CNTN5: variants seen among roughly 807,000 people sequenced by gnomAD.
CNTN5 encodes the protein contactin 5, also known as contactin-5.
A neutral mutation model predicts 129.1 loss-of-function variants in CNTN5; 77 were observed. The observed-to-expected ratio is 0.60, with a 90% CI of 0.50 to 0.72. The LOEUF (loss-of-function observed/expected upper bound fraction) is 0.72, where lower values mean the gene tolerates loss of function less well. Ranked by LOEUF, CNTN5 falls within the 30% of genes least tolerant of loss-of-function variation. The pLI is 0.00. For synonymous variants in CNTN5, 509 were observed against 465.6 expected (o/e 1.09, Z -1.20); for missense variants, 1,478 against 1,328.8 (o/e 1.11, Z -1.75).
At chr11:99,567,079 TG>T (rs1949028674) in intron 3 of CNTN5, among the ~76,000 whole-genome samples, 1 of 152,166 alleles carries the variant, frequency 6.6e-6, no homozygotes, top group Non-Finnish European at 1.5e-5. Flanking sequence ...TCTTTGCACT[TG>T]GGTAAGTAAA....
chr11:99,981,978 T>C (rs977426348), intron 8 of CNTN5, among the ~76,000 whole-genome samples: 1 of 152,174 alleles, frequency 6.6e-6, no homozygotes, highest in Admixed American at 6.5e-5. Flanking sequence ...AAAGTGTAAA[T>C]AGTAAATGCC....
chr11:99,370,243 C>A (rs1031503254), intron 2 of CNTN5, among the ~76,000 whole-genome samples: 4 of 152,186 alleles, frequency 2.6e-5, no homozygotes, highest in Admixed American at 1.3e-4. Context: ...TTTTCCTGTA[C>A]ACAATAGGTT....
At chr11:99,507,244 G>A (rs1440978074) in intron 2 of CNTN5, among the ~76,000 whole-genome samples, 2 of 151,734 alleles carry the variant, frequency 1.3e-5, no homozygotes, top group Non-Finnish European at 2.9e-5. Flanking sequence ...AGGCATGGTG[G>A]TGCGCACCTG....
chr11:100,297,988 G>A (rs113632330), intron 19 of CNTN5, among the ~76,000 whole-genome samples: 2,030 of 151,516 alleles, frequency 0.013, 52 homozygotes, highest in African/African-American at 0.047. Flanking sequence ...CAAAATTTGT[G>A]TCATTTTATC....
At chr11:100,264,754 G>A (rs906691468) in intron 17 of CNTN5, among the ~76,000 whole-genome samples, 4 of 152,002 alleles carry the variant, frequency 2.6e-5, no homozygotes, top group Admixed American at 1.3e-4. Context: ...ACCCAGTAAT[G>A]CGATTGCTGG....
intron 1 of CNTN5, among the ~76,000 whole-genome samples, chr11:99,208,654 G>A (rs1006274027): frequency 1.3e-5 from 2 of 152,004 alleles, no homozygotes; most frequent in African/African-American, 2.4e-5. Context: ...GAATTATTTT[G>A]TTTATTCTAG....
intron 6 of CNTN5, among the ~76,000 whole-genome samples, chr11:99,882,962 A>ACATGATGTT (rs2135866326): frequency 1.3e-5 from 2 of 152,326 alleles, no homozygotes; most frequent in East Asian, 3.9e-4. Flanking sequence ...AAGTGAGAGC[A>ACATGATGTT]CATGATGTTT....
chr11:100,190,883 CA>C, intron 13 of CNTN5, among the ~76,000 whole-genome samples: 1 of 151,996 alleles, frequency 6.6e-6, no homozygotes, highest in East Asian at 1.9e-4. Flanking sequence ...AATTAACTGT[CA>C]AAAAATGTCA....
chr11:99,308,612 A>G (rs768545635), intron 1 of CNTN5, among the ~76,000 whole-genome samples: 1 of 152,222 alleles, frequency 6.6e-6, no homozygotes, highest in Non-Finnish European at 1.5e-5. Flanking sequence ...ACAAATTAAT[A>G]ATTCTCCCAA....
At chr11:99,580,530 T>G (rs540014947) in intron 3 of CNTN5, among the ~76,000 whole-genome samples, 23 of 152,228 alleles carry the variant, frequency 1.5e-4, no homozygotes, top group South Asian at 8.3e-4. Flanking sequence ...TCTATTCAGA[T>G]ATTCAACTTC....
At chr11:99,824,987 A>T (rs1462704099) in intron 4 of CNTN5, among the ~76,000 whole-genome samples, 1 of 152,028 alleles carries the variant, frequency 6.6e-6, no homozygotes, top group African/African-American at 2.4e-5. Flanking sequence ...AGAATAGCAT[A>T]GTGTTTGTTA....
At chr11:99,575,427 G>T (rs1019991193) in intron 3 of CNTN5, among the ~76,000 whole-genome samples, 1 of 152,132 alleles carries the variant, frequency 6.6e-6, no homozygotes, top group African/African-American at 2.4e-5. Flanking sequence ...AGTGTCTGCA[G>T]AGAGGAAAGA....
intron 1 of CNTN5, among the ~76,000 whole-genome samples, chr11:99,146,481 A>C (rs765005840): frequency 1.8e-4 from 28 of 152,154 alleles, no homozygotes; most frequent in Non-Finnish European, 2.5e-4. Flanking sequence ...ATATATATTA[A>C]GTCAAGCAAG....
intron 1 of CNTN5, among the ~76,000 whole-genome samples, chr11:99,110,702 A>G (rs1565325371): frequency 6.6e-6 from 1 of 152,164 alleles, no homozygotes; most frequent in Non-Finnish European, 1.5e-5. Flanking sequence ...GGTGTTTCTC[A>G]TTACTGAAGA....
intron 3 of CNTN5, among the ~76,000 whole-genome samples, chr11:99,754,385 C>A (rs1944343297): frequency 6.6e-6 from 1 of 152,278 alleles, no homozygotes; most frequent in South Asian, 2.1e-4. Flanking sequence ...TTTTATTCTT[C>A]TCTCCTTCAC....
intron 2 of CNTN5, among the ~76,000 whole-genome samples, chr11:99,390,114 T>TA: frequency 7.1e-6 from 1 of 140,656 alleles, no homozygotes; most frequent in African/African-American, 2.7e-5. Flanking sequence ...TGTTCTCAAA[T>TA]AAAAAATAAA....
intron 17 of CNTN5, among the ~76,000 whole-genome samples, chr11:100,269,399 C>A (rs1187244930): frequency 6.6e-6 from 1 of 151,914 alleles, no homozygotes; most frequent in African/African-American, 2.4e-5. Context: ...AGAAACTGAG[C>A]GAAGGCTGGA....
rs1952131414 is a variant in CNTN5, at chr11:100,340,376, A to C, written c.2731-87A>C. The stretch of plus-strand genomic sequence containing the variant: ...TTTCTTCCTATGGGTGGACTCCAGC[A>C]ACATCCAAAAAAGAGAAAAAGTTCA... On this transcript the variant is annotated intron_variant, in intron 21 of 24. Coordinates refer to ENST00000524871, the MANE Select transcript of CNTN5 (RefSeq NM_014361.4). 3.2e-6 allele frequency: 3 copies of C among 944,242 alleles called. No individual in the cohort carries two copies. The South Asian group carries it at 5.1e-5, about 16-fold the overall frequency. 58.5% of individuals were successfully genotyped at this position (944,242 alleles called of 1,614,324 possible).
intron 18 of CNTN5, 52 bp downstream of exon 18, chr11:100,271,293 A>G: frequency 5.7e-6 from 8 of 1,401,632 alleles, no homozygotes; most frequent in Non-Finnish European, 7.7e-6. Flanking sequence ...AATCGTCTTG[A>G]AAGTGAGTTG....
Sources: gnomAD v4.1 joint callset for allele counts (sites outside exome capture counted in the v4.1 genomes callset) on GRCh38, gnomAD v4.1.1 for gene constraint, MANE v1.5 for transcripts, NCBI Gene and HGNC (gene_info 2026-07-23, HGNC 2026-07-21) for gene names.